ADAM28: variants seen among roughly 807,000 people sequenced by gnomAD.
ADAM28 encodes disintegrin and metalloproteinase domain-containing protein 28.
ADAM28 carries 105 observed loss-of-function variants against 101.2 expected under a neutral mutation model. That is an observed-to-expected ratio of 1.04 (90% CI 0.89 to 1.22). ADAM28 has a LOEUF of 1.22. Ranked by LOEUF, ADAM28 falls within the 50% of genes most tolerant of loss-of-function variation. The pLI is 0.00. For synonymous variants in ADAM28, 322 were observed against 310.6 expected (o/e 1.04, Z -0.39); for missense variants, 1,028 against 945.4 (o/e 1.09, Z -1.15).
chr8:24,349,210 G>A (rs899270617), intron 18 of ADAM28, among the ~76,000 whole-genome samples: 11 of 152,086 alleles, frequency 7.2e-5, no homozygotes, highest in African/African-American at 9.7e-5. Flanking sequence ...TTCCTTCCTG[G>A]TCTCTTGTGG....
rs1325145809 is a variant in ADAM28, at chr8:24,356,994, A to T, written c.*2590A>T. 2.0e-5 allele frequency: 3 copies of T among 152,322 alleles called. No homozygotes were observed. The South Asian group carries it at 6.2e-4, about 32-fold the overall frequency. 9.4% of individuals were successfully genotyped at this position (152,322 alleles called of 1,614,324 possible). On this transcript the variant is annotated 3_prime_UTR_variant, in exon 23 of 23. Transcript: ENST00000265769. ...TATTATAATTAGGATTTTATTATTC[A>T]CATTGGAAATCACTGCTATGTGTTA...
At position 24,358,345 on chromosome 8, in the gene ADAM28, C is replaced by T. The variant is rs1816813297; in HGVS notation, c.*3941C>T. On this transcript the variant is annotated 3_prime_UTR_variant, in exon 23 of 23. Coordinates refer to ENST00000265769, the MANE Select transcript of ADAM28 (RefSeq NM_014265.6). ...TTGTTCAAAGAATCCATCTCTTGAG[C>T]GTAAGCTAAATAATTTGCATACACT... 1.3e-5 allele frequency: 2 copies of T among 152,156 alleles called. No individual in the cohort carries two copies. Among genetic ancestry groups the T allele is most frequent in the African/African-American group, 2.4e-5 (1 of 41,440 alleles). 9.4% of individuals were successfully genotyped at this position (152,156 alleles called of 1,614,324 possible). A position where few individuals can be genotyped will look rare whatever the true frequency, so the allele number is the denominator to read the frequency against.
chr8:24,349,900 C>A lies in ADAM28; in HGVS notation c.2027C>A (p.Ala676Glu), dbSNP rs747833359. The change falls in exon 19 of 23, where the codon GCG becomes GAG. Residue 676 changes from alanine to glutamate, a missense_variant. By Grantham distance (107) the Ala-to-Glu change is moderately radical. Coordinates refer to ENST00000265769, the MANE Select transcript of ADAM28 (RefSeq NM_014265.6). The stretch of plus-strand genomic sequence containing the variant: ...GTGGTTGGGGTGCTGTTCCCAATGG[C>A]GGTCATTTTTGTGGTGGTTGCTATG... ...SIVVGVLFPM[A>E]VIFVVVAMVI... The A allele has an allele frequency of 1.9e-6, 3 of 1,613,612 alleles. No homozygotes were observed. The highest frequency in any genetic ancestry group is 2.5e-6 in the Non-Finnish European group (3 of 1,179,756).
intron 2 of ADAM28, among the ~76,000 whole-genome samples, chr8:24,303,499 A>T (rs948797922): frequency 6.6e-6 from 1 of 152,150 alleles, no homozygotes; most frequent in African/African-American, 2.4e-5. Flanking sequence ...CCATTGGTCT[A>T]TGTGTCTGTT....
In ADAM28 at chr8:24,356,274, T is replaced by G. The variant is rs1456475416; in HGVS notation, c.*1870T>G. On this transcript the variant is annotated 3_prime_UTR_variant, in exon 23 of 23. Coordinates refer to ENST00000265769, the MANE Select transcript of ADAM28 (RefSeq NM_014265.6). Reference sequence around the variant, plus strand: ...TGACCAACTTGTGAACTTTTCTGTGTTGTTGTTGTTGTTTTTTAAATATCT... The same window carrying G: ...TGACCAACTTGTGAACTTTTCTGTGGTGTTGTTGTTGTTTTTTAAATATCT... The G allele has an allele frequency of 6.6e-6, 1 of 152,158 alleles. No homozygotes were observed. The highest frequency in any genetic ancestry group is 1.5e-5 in the Non-Finnish European group (1 of 68,040). 9.4% of individuals were successfully genotyped at this position (152,158 alleles called of 1,614,324 possible).
intron 16 of ADAM28, among the ~76,000 whole-genome samples, chr8:24,342,275 A>G (rs1293166730): frequency 6.6e-6 from 1 of 152,146 alleles, no homozygotes; most frequent in Non-Finnish European, 1.5e-5. Flanking sequence ...TATATTCACT[A>G]AGATATCCAC....
rs139918697 is a variant in ADAM28, at chr8:24,349,928, A to G, written c.2055A>G (p.Val685=). 1.2e-6 allele frequency: 2 copies of G among 1,613,672 alleles called. No homozygotes were observed. Among genetic ancestry groups the G allele is most frequent in the Non-Finnish European group, 1.7e-6 (2 of 1,179,758 alleles). The change falls in exon 19 of 23, where the codon GTA becomes GTG. Residue 685 remains valine (V), a synonymous_variant. Coordinates refer to ENST00000265769, the MANE Select transcript of ADAM28 (RefSeq NM_014265.6). ...TCATTTTTGTGGTGGTTGCTATGGTAATCCGGCACCAGAGCTCCAGAGAAA... is the reference window on the plus strand; with the variant it reads ...TCATTTTTGTGGTGGTTGCTATGGTGATCCGGCACCAGAGCTCCAGAGAAA... The part of the protein sequence containing the change: ...MAVIFVVVAM[V]IRHQSSREKQ...
rs760991486 is a variant in ADAM28, at chr8:24,349,910, T to TG, written c.2038dup (p.Val680GlyfsTer57). 1 of 1,613,738 alleles carries TG rather than the reference T, an allele frequency of 6.2e-7. No homozygotes were observed. The highest frequency in any genetic ancestry group is 2.2e-5 in the East Asian group (1 of 44,816). On this transcript the variant is annotated frameshift_variant, in exon 19 of 23. Coordinates refer to ENST00000265769, the MANE Select transcript of ADAM28 (RefSeq NM_014265.6). LOFTEE classifies it high-confidence loss of function. ...TGCTGTTCCCAATGGCGGTCATTTT[T>TG]GTGGTGGTTGCTATGGTAATCCGGC... is the stretch of plus-strand genomic sequence containing the variant.
At chr8:24,342,039 C>T (rs1157382864) in intron 16 of ADAM28, among the ~76,000 whole-genome samples, 1 of 152,156 alleles carries the variant, frequency 6.6e-6, no homozygotes, top group Non-Finnish European at 1.5e-5. Flanking sequence ...AGTATCATAT[C>T]GTCATGCAGA....
Position 24,335,549 on chromosome 8 carries a change from T to A in ADAM28, c.1475T>A (p.Val492Asp). Residue 492 changes from valine (V) to aspartate (D), a missense_variant, in exon 14 of 23, where the codon GTC (valine) becomes GAC (aspartate). Physicochemically the swap from Val to Asp is radical, Grantham distance 152 (BLOSUM62 -3). Transcript: ENST00000265769. ...AATTGTCCTGATGATAGATTCCAAG[T>A]CAATGGCTTCCCTTGCCATCACGGG... is the stretch of plus-strand genomic sequence containing the variant. Reference protein sequence around the residue: ...SGNCPDDRFQVNGFPCHHGKG... With the variant: ...SGNCPDDRFQDNGFPCHHGKG... The A allele has an allele frequency of 6.2e-7, 1 of 1,614,152 alleles. No individual in the cohort carries two copies. Among genetic ancestry groups the A allele is most frequent in the Non-Finnish European group, 8.5e-7 (1 of 1,180,004 alleles).
chr8:24,337,176 G>A (rs1814203508), intron 14 of ADAM28, among the ~76,000 whole-genome samples: 2 of 152,220 alleles, frequency 1.3e-5, no homozygotes, highest in African/African-American at 2.4e-5. Flanking sequence ...CCCTTAGTAT[G>A]TCAGCAAGCT....
intron 1 of ADAM28, among the ~76,000 whole-genome samples, chr8:24,295,530 A>G (rs2129225739): frequency 6.6e-6 from 1 of 152,210 alleles, no homozygotes; most frequent in South Asian, 2.1e-4. Context: ...ACCCCCTCTA[A>G]GCTGAAATAC....
At chr8:24,339,007 T>C (rs1470591171) in intron 14 of ADAM28, among the ~76,000 whole-genome samples, 2 of 152,038 alleles carry the variant, frequency 1.3e-5, no homozygotes, top group Non-Finnish European at 2.9e-5. Context: ...ATATTAAATA[T>C]ATATGTTCAC....
intron 9 of ADAM28, among the ~76,000 whole-genome samples, 153 bp downstream of exon 9, chr8:24,324,156 G>A (rs1812242840): frequency 6.6e-6 from 1 of 151,624 alleles, no homozygotes; most frequent in Non-Finnish European, 1.5e-5. Flanking sequence ...TTGGATCCAA[G>A]TATTTTTTTT....
At chr8:24,304,875 A>C (rs530334498) in intron 2 of ADAM28, among the ~76,000 whole-genome samples, 86 of 150,478 alleles carry the variant, frequency 5.7e-4, no homozygotes, top group African/African-American at 2.0e-3. Context: ...AGATCACGTC[A>C]TTTGCACTCC....
intron 18 of ADAM28, chr8:24,347,166 CTTAT>C (rs1316965933): frequency 6.6e-6 from 1 of 152,044 alleles, no homozygotes; most frequent in Non-Finnish European, 1.5e-5. Flanking sequence ...CAAATACTTC[CTTAT>C]TTATTAAAAT....
At position 24,357,656 on chromosome 8, in the gene ADAM28, G is replaced by GA. The variant is rs1816767804; in HGVS notation, c.*3253dup. 6.6e-6 allele frequency: 1 copy of GA among 152,104 alleles called. No individual in the cohort carries two copies. Among genetic ancestry groups the GA allele is most frequent in the African/African-American group, 2.4e-5 (1 of 41,438 alleles). 9.4% of individuals were successfully genotyped at this position (152,104 alleles called of 1,614,324 possible). The stretch of plus-strand genomic sequence containing the variant: ...GAGATTATAGCAATTAAAAAAATGA[G>GA]ATTTGGGGGGATGGACACAGAGCCA... On this transcript the variant is annotated 3_prime_UTR_variant, in exon 23 of 23. Coordinates refer to ENST00000265769, the MANE Select transcript of ADAM28 (RefSeq NM_014265.6).
chr8:24,351,523 G>A (rs1421223693), intron 20 of ADAM28: 37 of 618,296 alleles, frequency 6.0e-5, no homozygotes, highest in Admixed American at 9.8e-5. Context: ...AGAATAAAGA[G>A]AACAAAGAAT....
At chr8:24,330,517 A>C (rs1338766832) in intron 11 of ADAM28, among the ~76,000 whole-genome samples, 1 of 152,208 alleles carries the variant, frequency 6.6e-6, no homozygotes, top group African/African-American at 2.4e-5. Flanking sequence ...CCCTCCCTGA[A>C]TTAGGCAAAA....
Sources: gnomAD v4.1 joint callset for allele counts (sites outside exome capture counted in the v4.1 genomes callset) on GRCh38, gnomAD v4.1.1 for gene constraint, MANE v1.5 for transcripts, NCBI Gene and HGNC (gene_info 2026-07-23, HGNC 2026-07-21) for gene names.